The following ALDH7A1 variants were observed in gnomAD, a reference collection of about 807,000 sequenced individuals.
ALDH7A1 encodes aldehyde dehydrogenase 7 family member A1, also known as alpha-aminoadipic semialdehyde dehydrogenase.
ALDH7A1 carries 63 observed loss-of-function variants against 79.9 expected under a neutral mutation model. The ratio of observed to expected loss-of-function variants is 0.79; its 90% CI spans 0.64 to 0.97. The LOEUF (loss-of-function observed/expected upper bound fraction) is 0.97. ALDH7A1 is among the 50% of genes least tolerant of loss of function. The pLI, the probability that ALDH7A1 is intolerant of heterozygous loss-of-function variation, is 0.00. For synonymous variants in ALDH7A1, 240 were observed against 231.2 expected (o/e 1.04, Z -0.34); for missense variants, 627 against 665.2 (o/e 0.94, Z 0.63).
At chr5:126,569,735 A>T (rs1184789365) in intron 8 of ALDH7A1, 1 of 152,144 alleles carries the variant, frequency 6.6e-6, no homozygotes, top group Non-Finnish European at 1.5e-5. Flanking sequence ...ATAATATTTC[A>T]CTCTGCATTA....
At chr5:126,571,414 G>T (rs1750770115) in intron 7 of ALDH7A1, among the ~76,000 whole-genome samples, 1 of 150,558 alleles carries the variant, frequency 6.6e-6, no homozygotes. Flanking sequence ...GAAGACAGAG[G>T]TTGCAGTGAG....
intron 16 of ALDH7A1, among the ~76,000 whole-genome samples, chr5:126,547,818 G>A (rs1018842375): frequency 6.6e-5 from 10 of 152,100 alleles, no homozygotes; most frequent in African/African-American, 1.9e-4. Flanking sequence ...TTGGGAGGCC[G>A]AGGCAGGTGG....
At chr5:126,565,093 C>T (rs1750523402) in intron 9 of ALDH7A1, among the ~76,000 whole-genome samples, 1 of 152,064 alleles carries the variant, frequency 6.6e-6, no homozygotes, top group Non-Finnish European at 1.5e-5. Context: ...GCTAATCGGC[C>T]ATTTAAGATG....
intron 3 of ALDH7A1, 87 bp from the exon 4 acceptor site, chr5:126,584,099 A>G: frequency 8.8e-7 from 1 of 1,130,368 alleles, no homozygotes; most frequent in Non-Finnish European, 1.3e-6. Context: ...GTAAAAGAAC[A>G]AATTACAATC....
chr5:126,586,199 A>ACG (rs1751354649), intron 3 of ALDH7A1: 8 of 152,232 alleles, frequency 5.3e-5, no homozygotes, highest in African/African-American at 1.9e-4. Context: ...TATGTTTGCA[A>ACG]TGTCTGTCAT....
intron 1 of ALDH7A1, chr5:126,594,177 G>A (rs944170731): frequency 1.7e-5 from 8 of 470,934 alleles, no homozygotes; most frequent in Admixed American, 2.3e-5. Context: ...TAAGCCCTGG[G>A]CAATGGAGAA....
chr5:126,568,927 AAAAAT>A (rs1347181080), intron 8 of ALDH7A1: 2 of 154,598 alleles, frequency 1.3e-5, no homozygotes, highest in Non-Finnish European at 2.9e-5. Context: ...TCAAAAAGAT[AAAAAT>A]AAAATAAATA....
intron 8 of ALDH7A1, chr5:126,569,977 A>G (rs1750719586): frequency 6.6e-6 from 1 of 152,248 alleles, no homozygotes; most frequent in African/African-American, 2.4e-5. Context: ...CTCAGCTTTC[A>G]TCCCAGTTCA....
intron 3 of ALDH7A1, chr5:126,587,725 G>A (rs946499979): frequency 6.6e-6 from 1 of 151,996 alleles, no homozygotes; most frequent in African/African-American, 2.4e-5. Flanking sequence ...CAGCCAAATG[G>A]ATGAGGGCCA....
chr5:126,546,444 T>C (rs1325694668), intron 16 of ALDH7A1, 45 bp from the exon 17 acceptor site: 4 of 1,563,618 alleles, frequency 2.6e-6, no homozygotes, highest in African/African-American at 1.4e-5. Context: ...GCAGTTTCCA[T>C]GTGGGCTCAT....
At chr5:126,573,315 C>T (rs1391018748) in intron 7 of ALDH7A1, among the ~76,000 whole-genome samples, 1 of 150,546 alleles carries the variant, frequency 6.6e-6, no homozygotes, top group Non-Finnish European at 1.5e-5. Flanking sequence ...AATCCTAGCA[C>T]TTTGGGAGGC....
In ALDH7A1 at chr5:126,544,589, G is replaced by C. The variant is rs933755477; in HGVS notation, c.*376C>G. 6.9e-6 allele frequency: 2 copies of C among 287,832 alleles called. No homozygotes were observed. Among genetic ancestry groups the C allele is most frequent in the African/African-American group, 4.5e-5 (2 of 44,850 alleles). 17.8% of individuals were successfully genotyped at this position (287,832 alleles called of 1,614,324 possible). On this transcript the variant is annotated 3_prime_UTR_variant, in exon 18 of 18. Transcript: ENST00000409134. ...CCCTGAATCCTTCACTTGGTCAGGA[G>C]ACACCCTGTATCTACTGCAAAGACT... is the stretch of plus-strand genomic sequence containing the variant.
At position 126,570,785 on chromosome 5, in the gene ALDH7A1, A is replaced by G. The variant is rs776202861; in HGVS notation, c.770T>C (p.Ile257Thr). The G allele has an allele frequency of 3.7e-6, 6 of 1,613,862 alleles. No individual in the cohort carries two copies. The highest frequency in any genetic ancestry group is 1.7e-5 in the Admixed American group (1 of 59,986). Residue 257 changes from isoleucine to threonine, a missense_variant, in exon 8 of 18, where the codon ATT becomes ACT. Coordinates refer to ENST00000409134, the MANE Select transcript of ALDH7A1 (RefSeq NM_001182.5). Reference sequence around the variant, plus strand: ...TGCTCTCAGCCTAGTAACCTACCCAATATCTGCTCCACCACAAGTCAAGGA... The same window carrying G: ...TGCTCTCAGCCTAGTAACCTACCCAGTATCTGCTCCACCACAAGTCAAGGA... ...ICSLTCGGAD[I>T]GTAMAKDERV...
chr5:126,544,160 T>C lies in ALDH7A1; in HGVS notation c.*805A>G, dbSNP rs1749707041. 6.6e-6 allele frequency: 1 copy of C among 152,156 alleles called. No individual in the cohort carries two copies. The highest frequency in any genetic ancestry group is 2.1e-4 in the South Asian group (1 of 4,828). 9.4% of individuals were successfully genotyped at this position (152,156 alleles called of 1,614,324 possible). The stretch of plus-strand genomic sequence containing the variant: ...TTTTGGTAAAGACGGGGTTTCACGA[T>C]ATCGGCCAGGCTGGTCTCAAACTCC... On this transcript the variant is annotated 3_prime_UTR_variant, in exon 18 of 18. Transcript: ENST00000409134.
rs1161589480 is a variant in ALDH7A1, at chr5:126,550,207, A to T, written c.1404T>A (p.Phe468Leu). Reference sequence around the variant, plus strand: ...AGACAAAGTTGTACCCAAGCCAGCGAAAGATTCTGCCCAGATCTTTGGTAA... The same window carrying T: ...AGACAAAGTTGTACCCAAGCCAGCGTAAGATTCTGCCCAGATCTTTGGTAA... ...SIFTKDLGRI[F>L]RWLGPKGSDC... Residue 468 changes from phenylalanine (F) to leucine (L), a missense_variant, in exon 15 of 18, where the codon TTT (phenylalanine) becomes TTA (leucine). Phe to Leu is a conservative substitution (Grantham distance 22). Transcript: ENST00000409134. 1.2e-6 allele frequency: 2 copies of T among 1,612,896 alleles called. No homozygotes were observed. The highest frequency in any genetic ancestry group is 1.7e-6 in the Non-Finnish European group (2 of 1,179,870).
chr5:126,551,203 T>C (rs890480198), intron 14 of ALDH7A1, among the ~76,000 whole-genome samples: 2 of 152,070 alleles, frequency 1.3e-5, no homozygotes, highest in African/African-American at 2.4e-5. Context: ...GCATGAGCCA[T>C]TGTGCCCAGC....
chr5:126,564,746 G>C (rs921044782), intron 9 of ALDH7A1, among the ~76,000 whole-genome samples: 3 of 152,148 alleles, frequency 2.0e-5, no homozygotes, highest in Non-Finnish European at 1.5e-5. Flanking sequence ...TAGGTGTTAA[G>C]AAGAGAAGGA....
chr5:126,594,864 C>G (rs1185798928), intron 1 of ALDH7A1, 143 bp downstream of exon 1: 7 of 1,142,088 alleles, frequency 6.1e-6, no homozygotes, highest in Non-Finnish European at 8.9e-6. Flanking sequence ...GCACCCTACA[C>G]GAGAAAACTT....
At chr5:126,558,041 G>C (rs1750263094) in intron 11 of ALDH7A1, among the ~76,000 whole-genome samples, 1 of 151,704 alleles carries the variant, frequency 6.6e-6, no homozygotes, top group African/African-American at 2.4e-5. Context: ...GGTGGCACGT[G>C]CCTGTAGTCC....
Sources: gnomAD v4.1 joint callset for allele counts (sites outside exome capture counted in the v4.1 genomes callset) on GRCh38, gnomAD v4.1.1 for gene constraint, MANE v1.5 for transcripts, NCBI Gene and HGNC (gene_info 2026-07-23, HGNC 2026-07-21) for gene names.